IGFBP7: variants seen among roughly 807,000 people sequenced by gnomAD.
IGFBP7 encodes the protein insulin-like growth factor-binding protein 7.
Under a neutral mutation model 29.4 loss-of-function variants are expected in IGFBP7, and 31 were observed. That is an observed-to-expected ratio of 1.05 (90% CI 0.79 to 1.42). The LOEUF (loss-of-function observed/expected upper bound fraction) is 1.42. Ranked by LOEUF, IGFBP7 falls within the 40% of genes most tolerant of loss-of-function variation. The pLI is 0.00. For missense variants in IGFBP7, 393 were observed against 395.5 expected (o/e 0.99, Z 0.05); for synonymous variants, 172 against 174.9 (o/e 0.98, Z 0.13).
chr4:57,064,175 C>T (rs578031796), intron 1 of IGFBP7, among the ~76,000 whole-genome samples: 60 of 152,238 alleles, frequency 3.9e-4, no homozygotes, highest in African/African-American at 1.4e-3. Flanking sequence ...CCCATCTCTA[C>T]CCCTCCAAAA....
intron 1 of IGFBP7, among the ~76,000 whole-genome samples, chr4:57,056,882 A>G (rs1324576796): frequency 3.3e-5 from 5 of 152,172 alleles, no homozygotes; most frequent in African/African-American, 1.2e-4. Flanking sequence ...TTAGGCAGTG[A>G]TTATTTTTCT....
At chr4:57,032,709 C>A (rs546763652) in intron 3 of IGFBP7, among the ~76,000 whole-genome samples, 157 bp from the exon 4 acceptor site, 2 of 152,076 alleles carry the variant, frequency 1.3e-5, no homozygotes, top group Non-Finnish European at 2.9e-5. Flanking sequence ...TAGGAGACTT[C>A]GATAACTACC....
chr4:57,052,042 C>T (rs1171096769), intron 1 of IGFBP7, among the ~76,000 whole-genome samples: 1 of 152,176 alleles, frequency 6.6e-6, no homozygotes, highest in Non-Finnish European at 1.5e-5. Context: ...GGGCCTCACC[C>T]TCCAATGTGT....
chr4:57,067,179 T>C (rs984672944), intron 1 of IGFBP7, among the ~76,000 whole-genome samples: 1 of 152,216 alleles, frequency 6.6e-6, no homozygotes, highest in African/African-American at 2.4e-5. Context: ...TCTTAACATG[T>C]TCTTTGTACC....
chr4:57,031,343 A>G lies in IGFBP7; in HGVS notation c.830-7T>C. The stretch of plus-strand genomic sequence containing the variant: ...TATAGCTCGGCACCTTCACCTGTTT[A>G]AAAAAAAAAAAAGATAAAAATTAGT... On this transcript the variant is annotated splice_polypyrimidine_tract_variant and splice_region_variant and intron_variant, in intron 4 of 4. Coordinates refer to ENST00000295666, the MANE Select transcript of IGFBP7 (RefSeq NM_001553.3). The G allele has an allele frequency of 2.0e-6, 1 of 491,960 alleles. No homozygotes were observed. The highest frequency in any genetic ancestry group is 2.9e-6 in the Non-Finnish European group (1 of 340,518). The allele number at this position is 491,960 out of a possible 1,614,324, so 30.5% of individuals were successfully genotyped here.
chr4:57,031,340 T>C lies in IGFBP7; in HGVS notation c.830-4A>G, dbSNP rs1373465300. 39 of 1,599,932 alleles carry C rather than the reference T, an allele frequency of 2.4e-5. No individual in the cohort carries two copies. The highest frequency in any genetic ancestry group is 3.2e-5 in the Non-Finnish European group (37 of 1,173,310). On this transcript the variant is annotated splice_polypyrimidine_tract_variant and splice_region_variant and intron_variant, in intron 4 of 4. Coordinates refer to ENST00000295666, the MANE Select transcript of IGFBP7 (RefSeq NM_001553.3). Reference sequence around the variant, plus strand: ...GTTTATAGCTCGGCACCTTCACCTGTTTAAAAAAAAAAAAAGATAAAAATT... The same window carrying C: ...GTTTATAGCTCGGCACCTTCACCTGCTTAAAAAAAAAAAAAGATAAAAATT...
intron 1 of IGFBP7, among the ~76,000 whole-genome samples, chr4:57,059,685 A>C (rs1028135644): frequency 6.6e-6 from 1 of 152,178 alleles, no homozygotes; most frequent in Admixed American, 6.5e-5. Flanking sequence ...GCTGTACAAC[A>C]AACCTCCATG....
chr4:57,045,216 A>C (rs1227275154), intron 1 of IGFBP7, among the ~76,000 whole-genome samples: 1 of 152,166 alleles, frequency 6.6e-6, no homozygotes, highest in East Asian at 1.9e-4. Context: ...CTATTTCTAG[A>C]ATTCTACAAG....
At chr4:57,049,802 G>A (rs986761093) in intron 1 of IGFBP7, among the ~76,000 whole-genome samples, 5 of 152,168 alleles carry the variant, frequency 3.3e-5, no homozygotes, top group African/African-American at 7.2e-5. Flanking sequence ...AGGAGACAGA[G>A]CTCAGGCTGT....
chr4:57,063,482 TAC>T (rs1485682707), intron 1 of IGFBP7, among the ~76,000 whole-genome samples: 1 of 152,238 alleles, frequency 6.6e-6, no homozygotes. Flanking sequence ...ACTACCAAAA[TAC>T]ACAGTTTAGT....
intron 1 of IGFBP7, among the ~76,000 whole-genome samples, chr4:57,102,104 T>C (rs1156259553): frequency 3.3e-5 from 5 of 152,042 alleles, no homozygotes; most frequent in African/African-American, 1.2e-4. Flanking sequence ...GTTTGTGGGG[T>C]AGGGGTGGCT....
chr4:57,061,567 C>A (rs532621620), intron 1 of IGFBP7, among the ~76,000 whole-genome samples: 16 of 152,256 alleles, frequency 1.1e-4, no homozygotes, highest in African/African-American at 3.9e-4. Flanking sequence ...GTGTTGACAG[C>A]GTGGATACCC....
chr4:57,104,792 T>A (rs144390540), intron 1 of IGFBP7, among the ~76,000 whole-genome samples: 146 of 152,270 alleles, frequency 9.6e-4, no homozygotes, highest in Middle Eastern at 3.4e-3. Context: ...GAGTTCAGGA[T>A]TGCTGATGAC....
chr4:57,034,814 T>C (rs527690662), intron 2 of IGFBP7, among the ~76,000 whole-genome samples: 2 of 152,322 alleles, frequency 1.3e-5, no homozygotes, highest in African/African-American at 2.4e-5. Flanking sequence ...GCATTTTTTT[T>C]CTGGAATTTT....
chr4:57,080,123 C>CCCA (rs1157703264), intron 1 of IGFBP7, among the ~76,000 whole-genome samples: 1 of 152,128 alleles, frequency 6.6e-6, no homozygotes, highest in Non-Finnish European at 1.5e-5. Flanking sequence ...CACAGGGTCT[C>CCCA]CCACAGGGCT....
intron 1 of IGFBP7, among the ~76,000 whole-genome samples, chr4:57,072,500 T>C (rs1725076660): frequency 1.3e-5 from 2 of 152,130 alleles, no homozygotes. Context: ...GCCACTGCAC[T>C]CCAGCCTGGG....
chr4:57,067,947 A>G (rs961032648), intron 1 of IGFBP7, among the ~76,000 whole-genome samples: 3 of 152,258 alleles, frequency 2.0e-5, no homozygotes, highest in Non-Finnish European at 4.4e-5. Flanking sequence ...ATATCATAAA[A>G]TATCTAAACC....
intron 1 of IGFBP7, among the ~76,000 whole-genome samples, chr4:57,072,524 C>A (rs1300100412): frequency 6.6e-6 from 1 of 152,012 alleles, no homozygotes; most frequent in African/African-American, 2.4e-5. Context: ...CAGAGGGAGA[C>A]CCTGTCTCAA....
chr4:57,039,543 G>A (rs998756162), intron 2 of IGFBP7, among the ~76,000 whole-genome samples: 5 of 151,804 alleles, frequency 3.3e-5, no homozygotes, highest in African/African-American at 7.3e-5. Context: ...CAGGCAGCCC[G>A]CACAACAAAT....
Sources: allele counts gnomAD v4.1 joint callset (sites outside exome capture counted in the v4.1 genomes callset), GRCh38; gene constraint gnomAD v4.1.1; transcripts MANE v1.5; gene names NCBI Gene and HGNC (gene_info 2026-07-23, HGNC 2026-07-21).